Variants in TMEM117 observed in about 807,000 individuals in gnomAD.
TMEM117 encodes the protein transmembrane protein 117.
Under a neutral mutation model 52.4 loss-of-function variants are expected in TMEM117, and 27 were observed. The ratio of observed to expected loss-of-function variants is 0.51; its 90% CI spans 0.38 to 0.71. TMEM117 has a LOEUF of 0.71. TMEM117 is among the 30% of genes least tolerant of loss of function. The pLI is 0.00. For synonymous variants in TMEM117, 215 were observed against 206.3 expected (o/e 1.04, Z -0.36); for missense variants, 556 against 630.5 (o/e 0.88, Z 1.26).
intron 4 of TMEM117, among the ~76,000 whole-genome samples, chr12:44,189,171 CT>C (rs1210611664): frequency 1.3e-5 from 2 of 152,102 alleles, no homozygotes; most frequent in Non-Finnish European, 2.9e-5. Context: ...TTTCTTTTAA[CT>C]ATATGTTTAA....
At chr12:43,804,135 G>A in the TMEM117 span, 4 of 356,546 alleles carry the variant, frequency 1.1e-5, 2 homozygotes, top group South Asian at 8.5e-5. Flanking sequence ...AAACTTAATT[G>A]AATAATTCAC....
intron 3 of TMEM117, among the ~76,000 whole-genome samples, chr12:44,044,070 A>C (rs1946843545): frequency 6.6e-6 from 1 of 152,170 alleles, no homozygotes; most frequent in Admixed American, 6.5e-5. Flanking sequence ...GGAGATTGGG[A>C]TGGTGGAGTG....
At chr12:44,089,952 C>T (rs969622083) in intron 3 of TMEM117, among the ~76,000 whole-genome samples, 6 of 152,026 alleles carry the variant, frequency 3.9e-5, no homozygotes, top group African/African-American at 1.4e-4. Flanking sequence ...TATATTTTGC[C>T]AACCCATCTT....
intron 7 of TMEM117, among the ~76,000 whole-genome samples, chr12:44,386,062 C>A (rs1952083917): frequency 6.6e-6 from 1 of 152,092 alleles, no homozygotes. Context: ...AAAATCTTTC[C>A]TGCAGAAAGT....
the TMEM117 span, among the ~76,000 whole-genome samples, chr12:43,812,619 C>G: frequency 6.6e-6 from 1 of 152,116 alleles, no homozygotes; most frequent in African/African-American, 2.4e-5. Context: ...CTTGTTTCTG[C>G]TCCCGGGTCC....
the TMEM117 span, among the ~76,000 whole-genome samples, chr12:43,807,388 G>C: frequency 6.6e-6 from 1 of 152,138 alleles, no homozygotes; most frequent in African/African-American, 2.4e-5. Context: ...TGTTATCTGA[G>C]CTCTGTTTTT....
rs1049299162 is a variant in TMEM117, at chr12:43,967,442, A to G, written c.410+23100A>G. 7.2e-5 allele frequency among the ~76,000 whole-genome samples: 11 copies of G among 152,154 alleles called. No homozygotes were observed. In the East Asian group the frequency reaches 2.1e-3, roughly 29 times the overall value. On this transcript the variant is annotated intron_variant, in intron 3 of 7. Transcript: ENST00000266534. ...CCAGCCACATGTTACTTCTGAGGTT[A>G]GGGTGGCTTCTGTCTTGCATGCTCT...
intron 5 of TMEM117, among the ~76,000 whole-genome samples, chr12:44,222,431 G>A (rs1949800968): frequency 6.6e-6 from 1 of 152,158 alleles, no homozygotes; most frequent in South Asian, 2.1e-4. Context: ...GCCCTAGACT[G>A]TGATAATCAT....
At chr12:44,177,649 A>G (rs79015047) in intron 4 of TMEM117, among the ~76,000 whole-genome samples, 1,629 of 152,254 alleles carry the variant, frequency 0.011, 24 homozygotes, top group East Asian at 0.058. Context: ...TAATAACTCA[A>G]TCTTCACAAC....
At chr12:44,037,764 A>T (rs1946733227) in intron 3 of TMEM117, among the ~76,000 whole-genome samples, 1 of 151,982 alleles carries the variant, frequency 6.6e-6, no homozygotes. Flanking sequence ...GAGAGGAGTG[A>T]CCCACTCCAG....
intron 7 of TMEM117, among the ~76,000 whole-genome samples, chr12:44,387,727 C>T (rs1344948603): frequency 6.6e-6 from 1 of 151,996 alleles, no homozygotes; most frequent in East Asian, 1.9e-4. Flanking sequence ...TACATGGAAC[C>T]AAATTTGAGT....
At chr12:44,327,322 G>C (rs17094444) in intron 6 of TMEM117, among the ~76,000 whole-genome samples, 2,823 of 152,234 alleles carry the variant, frequency 0.019, 89 homozygotes, top group African/African-American at 0.064. Context: ...GTGTTTAGGA[G>C]GATAAATAAA....
chr12:44,144,458 C>T (rs1948613638), intron 4 of TMEM117, among the ~76,000 whole-genome samples: 1 of 152,206 alleles, frequency 6.6e-6, no homozygotes, highest in African/African-American at 2.4e-5. Flanking sequence ...TACCAGAAGG[C>T]AGATAATGCC....
At chr12:43,994,284 C>T (rs980245095) in intron 3 of TMEM117, among the ~76,000 whole-genome samples, 9 of 152,144 alleles carry the variant, frequency 5.9e-5, no homozygotes, top group Non-Finnish European at 8.8e-5. Flanking sequence ...CAGTAAGCTA[C>T]ATCTCTGAGG....
At chr12:43,862,235 C>T (rs1055962501) in intron 2 of TMEM117, among the ~76,000 whole-genome samples, 8 of 152,254 alleles carry the variant, frequency 5.3e-5, no homozygotes, top group Admixed American at 2.6e-4. Flanking sequence ...GTGGTGTGCT[C>T]TCGGCTCACT....
At chr12:44,157,121 A>G (rs115961377) in intron 4 of TMEM117, among the ~76,000 whole-genome samples, 1,534 of 152,296 alleles carry the variant, frequency 0.01, 10 homozygotes, top group African/African-American at 0.016. Flanking sequence ...CAATCCTTTT[A>G]TAATTTTGCC....
chr12:43,995,761 A>C (rs922547213), intron 3 of TMEM117, among the ~76,000 whole-genome samples: 1 of 152,244 alleles, frequency 6.6e-6, no homozygotes, highest in African/African-American at 2.4e-5. Context: ...CACAGGCTAC[A>C]AGAAAACAGA....
chr12:44,121,610 ATTAT>A (rs1334821095), intron 3 of TMEM117, among the ~76,000 whole-genome samples: 42 of 152,304 alleles, frequency 2.8e-4, no homozygotes, highest in African/African-American at 9.9e-4. Context: ...TTACATATTA[ATTAT>A]TTATGTTATC....
chr12:44,091,057 T>C (rs1947663845), intron 3 of TMEM117, among the ~76,000 whole-genome samples: 1 of 152,030 alleles, frequency 6.6e-6, no homozygotes, highest in African/African-American at 2.4e-5. Context: ...CGAAAAGAGA[T>C]TTAATTGGAT....
Sources: allele counts gnomAD v4.1 joint callset (sites outside exome capture counted in the v4.1 genomes callset), GRCh38; gene constraint gnomAD v4.1.1; transcripts MANE v1.5; gene names NCBI Gene and HGNC (gene_info 2026-07-23, HGNC 2026-07-21).